Variants in RIMS1 observed in about 807,000 individuals in gnomAD.
RIMS1 encodes regulating synaptic membrane exocytosis protein 1.
In RIMS1, 83 loss-of-function variants were observed where a neutral mutation model predicts 214.1. That is an observed-to-expected ratio of 0.39 (90% CI 0.32 to 0.47). The LOEUF (loss-of-function observed/expected upper bound fraction) is 0.47. Among genes scored for constraint, RIMS1 ranks in the 20% least tolerant of loss-of-function variants. The probability of loss-of-function intolerance (pLI) is 0.99; values close to 1 mark genes in which losing one functional copy is unlikely to be tolerated. For missense variants in RIMS1, 2,050 were observed against 2,161.8 expected (o/e 0.95, Z 1.03); for synonymous variants, 793 against 786.8 (o/e 1.01, Z -0.13).
chr6:72,183,268 G>A, intron 6 of RIMS1, 119 bp downstream of exon 6: 1 of 941,716 alleles, frequency 1.1e-6, no homozygotes, highest in Non-Finnish European at 1.6e-6. Flanking sequence ...TCACAGATAA[G>A]ATAGCGTTAC....
chr6:72,177,794 C>G (rs1262477537), intron 4 of RIMS1, among the ~76,000 whole-genome samples: 2 of 152,160 alleles, frequency 1.3e-5, no homozygotes, highest in African/African-American at 4.8e-5. Context: ...AGAAGAGACT[C>G]AGTGTCACTG....
intron 29 of RIMS1, among the ~76,000 whole-genome samples, chr6:72,386,095 G>C (rs955530634): frequency 3.3e-5 from 5 of 152,124 alleles, no homozygotes; most frequent in African/African-American, 4.8e-5. Context: ...TCAAGCATTT[G>C]TGTCCTTTAC....
chr6:71,935,768 TA>T (rs1784257573), intron 1 of RIMS1, among the ~76,000 whole-genome samples: 1 of 152,190 alleles, frequency 6.6e-6, no homozygotes, highest in East Asian at 1.9e-4. Context: ...AAGCCATGAC[TA>T]AAAGTTTAAA....
At chr6:72,202,318 G>A (rs1016043041) in intron 6 of RIMS1, among the ~76,000 whole-genome samples, 1 of 152,180 alleles carries the variant, frequency 6.6e-6, no homozygotes, top group Non-Finnish European at 1.5e-5. Context: ...GGCAGGGTTG[G>A]TTCCTTTGGA....
At chr6:72,310,708 T>C (rs2095469035) in intron 27 of RIMS1, among the ~76,000 whole-genome samples, 1 of 152,148 alleles carries the variant, frequency 6.6e-6, no homozygotes. Context: ...ATATATTTTA[T>C]GTATTTCCAT....
At chr6:71,970,423 A>G (rs1441094903) in intron 2 of RIMS1, among the ~76,000 whole-genome samples, 1 of 152,190 alleles carries the variant, frequency 6.6e-6, no homozygotes. Context: ...TCTTTGAGGA[A>G]TTAACATTGA....
At chr6:72,094,384 C>T (rs1168942987) in intron 2 of RIMS1, among the ~76,000 whole-genome samples, 2 of 151,852 alleles carry the variant, frequency 1.3e-5, no homozygotes, top group Non-Finnish European at 2.9e-5. Context: ...GTGGTCAGTG[C>T]CCTGCCTGTA....
intron 1 of RIMS1, among the ~76,000 whole-genome samples, chr6:71,928,430 A>G (rs1782149387): frequency 6.6e-6 from 1 of 152,052 alleles, no homozygotes. Flanking sequence ...CTTTCTACAT[A>G]TATCCTCTAA....
In RIMS1 at chr6:71,958,126, A is replaced by T. The variant is rs1186212938; in HGVS notation, c.165-10857A>T. ...CCCTATCATAGTGCTTAATAAATCT[A>T]AGTTATTATTATTGCTACTATTATT... On this transcript the variant is annotated intron_variant, in intron 1 of 33. Transcript: ENST00000521978. Among the ~76,000 whole-genome samples the T allele has an allele frequency of 3.9e-5, 6 of 152,228 alleles. No homozygotes were observed. The East Asian group carries it at 1.2e-3, about 29-fold the overall frequency.
At position 72,290,671 on chromosome 6, in the gene RIMS1, T is replaced by A. The variant is rs780240075; in HGVS notation, c.3555-8T>A. The A allele has an allele frequency of 6.2e-7, 1 of 1,611,032 alleles. No individual in the cohort carries two copies. Among genetic ancestry groups the A allele is most frequent in the Non-Finnish European group, 8.5e-7 (1 of 1,178,192 alleles). On this transcript the variant is annotated splice_polypyrimidine_tract_variant and splice_region_variant and intron_variant, in intron 24 of 33. Transcript: ENST00000521978. ...GACTGAAGATCTTTTTTGGCCCTAATGTTTTAGGGTTCTCCCAACATGTCT... is the reference window on the plus strand; with the variant it reads ...GACTGAAGATCTTTTTTGGCCCTAAAGTTTTAGGGTTCTCCCAACATGTCT...
chr6:72,033,102 G>C (rs1448903981), intron 2 of RIMS1, among the ~76,000 whole-genome samples: 2 of 152,214 alleles, frequency 1.3e-5, no homozygotes, highest in Non-Finnish European at 1.5e-5. Flanking sequence ...TTCCAGGCTT[G>C]CCTGACCCTC....
intron 4 of RIMS1, among the ~76,000 whole-genome samples, chr6:72,115,106 A>G (rs1460103809): frequency 6.6e-6 from 1 of 151,942 alleles, no homozygotes; most frequent in Non-Finnish European, 1.5e-5. Flanking sequence ...TGTTTCATGA[A>G]TGTTTCTTAA....
intron 1 of RIMS1, among the ~76,000 whole-genome samples, chr6:71,952,770 G>A (rs990670468): frequency 7.2e-5 from 11 of 152,098 alleles, no homozygotes; most frequent in Non-Finnish European, 1.0e-4. Flanking sequence ...TTTCTCAGGT[G>A]GTCTGTGGGA....
intron 6 of RIMS1, among the ~76,000 whole-genome samples, chr6:72,232,421 A>G (rs2062341632): frequency 1.3e-5 from 2 of 151,690 alleles, no homozygotes; most frequent in African/African-American, 4.8e-5. Context: ...GAAAGAGAAG[A>G]AAAGTTCTTT....
At chr6:72,254,457 G>T (rs1330578058) in intron 16 of RIMS1, among the ~76,000 whole-genome samples, 1 of 151,974 alleles carries the variant, frequency 6.6e-6, no homozygotes, top group Non-Finnish European at 1.5e-5. Context: ...AATTCATTTG[G>T]GATATTCAAA....
chr6:72,190,897 A>T (rs2049966421), intron 6 of RIMS1, among the ~76,000 whole-genome samples: 1 of 152,244 alleles, frequency 6.6e-6, no homozygotes, highest in Non-Finnish European at 1.5e-5. Context: ...AGTAAAGCCC[A>T]GGAACAGGCC....
At chr6:71,911,325 TAGA>T (rs1303069615) in intron 1 of RIMS1, among the ~76,000 whole-genome samples, 2 of 152,262 alleles carry the variant, frequency 1.3e-5, no homozygotes, top group Admixed American at 6.6e-5. Flanking sequence ...GCCCCTTGGG[TAGA>T]AGATCTTTAG....
intron 1 of RIMS1, among the ~76,000 whole-genome samples, chr6:71,931,856 G>A (rs565418824): frequency 9.2e-5 from 14 of 151,862 alleles, no homozygotes; most frequent in Admixed American, 6.6e-4. Flanking sequence ...CATGCAGCCA[G>A]CAATTGTATT....
chr6:72,243,860 T>G (rs911691741), intron 10 of RIMS1, among the ~76,000 whole-genome samples: 4 of 151,540 alleles, frequency 2.6e-5, no homozygotes, highest in African/African-American at 7.2e-5. Context: ...ATTATAGAAT[T>G]CAAAGGACAT....
Sources: gnomAD v4.1 joint callset for allele counts (sites outside exome capture counted in the v4.1 genomes callset) on GRCh38, gnomAD v4.1.1 for gene constraint, MANE v1.5 for transcripts, NCBI Gene and HGNC (gene_info 2026-07-23, HGNC 2026-07-21) for gene names.